The following VIPR2 variants were observed in gnomAD, a reference collection of about 807,000 sequenced individuals.
The protein encoded by VIPR2 is vasoactive intestinal polypeptide receptor 2.
A neutral mutation model predicts 58.0 loss-of-function variants in VIPR2; 48 were observed. That is an observed-to-expected ratio of 0.83 (90% confidence interval 0.66 to 1.05). The LOEUF (loss-of-function observed/expected upper bound fraction) is 1.05. Among genes scored for constraint, VIPR2 ranks in the 50% least tolerant of loss-of-function variants. VIPR2 has a pLI of 0.00. For synonymous variants in VIPR2, 243 were observed against 235.2 expected, an observed-to-expected ratio of 1.03 and a Z score of -0.30; for missense variants, 534 against 558.0, an observed-to-expected ratio of 0.96 and a Z score of 0.43.
Position 159,103,862 on chromosome 7 carries a change from G to A in VIPR2, c.260-8C>T, listed in dbSNP as rs1485086805. ...AGTTTTTGCTTATGTTTCCTGGAAA[G>A]TGAAGTTCAGATATTTTATCTGCAA... On this transcript the variant is annotated splice_region_variant and splice_polypyrimidine_tract_variant and intron_variant, in intron 3 of 12. Coordinates refer to ENST00000262178, the MANE Select transcript of VIPR2 (RefSeq NM_003382.5). The A allele has an allele frequency of 4.3e-6, 7 of 1,611,326 alleles. No homozygotes were observed. The highest frequency in any genetic ancestry group is 5.1e-6 in the Non-Finnish European group (6 of 1,177,484).
chr7:159,032,577 C>T (rs1853663981), intron 10 of VIPR2, among the ~76,000 whole-genome samples: 1 of 152,206 alleles, frequency 6.6e-6, no homozygotes, highest in African/African-American at 2.4e-5. Context: ...TGCCTGATTC[C>T]CTCTATTAAC....
At position 159,030,231 on chromosome 7, in the gene VIPR2, G is replaced by A. The variant is rs942539861; in HGVS notation, c.*385C>T. 1 of 195,480 alleles carries A rather than the reference G, an allele frequency of 5.1e-6. No individual in the cohort carries two copies. The highest frequency in any genetic ancestry group is 2.4e-5 in the African/African-American group (1 of 41,426). The allele number at this position is 195,480 out of a possible 1,614,324, so 12.1% of individuals were successfully genotyped here. ...GTGTTGGCGGGCGCCTGTAGTCCCA[G>A]CTATGGGAGGCTGAGGCAGGAGAAT... On this transcript the variant is annotated 3_prime_UTR_variant, in exon 13 of 13. Transcript: ENST00000262178.
chr7:159,123,619 T>C (rs1796550679), intron 2 of VIPR2, among the ~76,000 whole-genome samples: 1 of 152,218 alleles, frequency 6.6e-6, no homozygotes, highest in African/African-American at 2.4e-5. Flanking sequence ...TGAACATTCA[T>C]GTGCATGTGT....
At chr7:159,033,858 A>G (rs776654529) in intron 10 of VIPR2, among the ~76,000 whole-genome samples, 70 of 152,180 alleles carry the variant, frequency 4.6e-4, no homozygotes, top group Non-Finnish European at 6.2e-4. Flanking sequence ...TTCACTGGAG[A>G]GGACTTTCTT....
chr7:159,064,120 G>A (rs554677827), intron 4 of VIPR2, among the ~76,000 whole-genome samples: 1 of 147,094 alleles, frequency 6.8e-6, no homozygotes, highest in Non-Finnish European at 1.5e-5. Context: ...ATTCTGGATG[G>A]GGAAGCCGCG....
rs1853586194 is a variant in VIPR2 at position 159,031,558 on chromosome 7, G to A, written c.1143+270C>T. On this transcript the variant is annotated intron_variant, in intron 12 of 12. Transcript: ENST00000262178. This position sits in a 1 kb window ranked among gnomAD's most constrained non-coding sequence, Gnocchi z 4.0. ...ACAGATTCTGTCTAGACCCGGCCGG[G>A]AGCTTTCCCGAGAGGGCTCCGAGAC... The A allele has an allele frequency of 1.0e-6, 1 of 985,308 alleles. No individual in the cohort carries two copies. Among genetic ancestry groups the A allele is most frequent in the Admixed American group, 6.1e-5 (1 of 16,274 alleles). 61.0% of individuals were successfully genotyped at this position (985,308 alleles called of 1,614,324 possible).
At chr7:159,140,779 A>C (rs1797433322) in intron 2 of VIPR2, among the ~76,000 whole-genome samples, 1 of 152,152 alleles carries the variant, frequency 6.6e-6, no homozygotes, top group Admixed American at 6.5e-5. Context: ...TGACTCACAC[A>C]CGGACTGCCC....
intron 2 of VIPR2, among the ~76,000 whole-genome samples, chr7:159,135,560 C>T (rs942485573): frequency 2.6e-5 from 4 of 152,146 alleles, no homozygotes; most frequent in South Asian, 2.1e-4. Context: ...CAGTGGCTCA[C>T]GCCTGTAATC....
At chr7:159,108,178 C>T (rs1321217811) in intron 3 of VIPR2, among the ~76,000 whole-genome samples, 2 of 152,214 alleles carry the variant, frequency 1.3e-5, no homozygotes, top group Non-Finnish European at 2.9e-5. Context: ...ACAGTTATCC[C>T]ACCAAATTTA....
chr7:159,101,155 G>A (rs571244969), intron 4 of VIPR2, among the ~76,000 whole-genome samples: 25 of 133,282 alleles, frequency 1.9e-4, no homozygotes, highest in African/African-American at 6.7e-4. Flanking sequence ...CATGAGATCC[G>A]ACGAGGCCGT....
intron 4 of VIPR2, among the ~76,000 whole-genome samples, chr7:159,059,928 C>CCTTCACCTAACCACCATCTCA (rs1855540429): frequency 2.6e-5 from 4 of 151,524 alleles, no homozygotes; most frequent in Admixed American, 1.3e-4. Flanking sequence ...CTAACCATCC[C>CCTTCACCTAACCACCATCTCA]CTTCACCTAA....
intron 12 of VIPR2, 36 bp from the exon 13 acceptor site, chr7:159,030,825 T>C: frequency 2.0e-6 from 3 of 1,498,594 alleles, no homozygotes. Flanking sequence ...CCCGTGAGCC[T>C]GGGCAGGTGC....
chr7:159,043,014 C>G, intron 6 of VIPR2, 21 bp downstream of exon 6: 1 of 1,612,072 alleles, frequency 6.2e-7, no homozygotes, highest in Non-Finnish European at 8.5e-7. Flanking sequence ...CAGTGGGACC[C>G]TGTGGTGGGG....
rs1857727597 is a variant in VIPR2, at chr7:159,094,723, C to T, written c.357+9034G>A. Among the ~76,000 whole-genome samples the T allele has an allele frequency of 2.6e-5, 4 of 152,368 alleles. No homozygotes were observed. In the South Asian group the frequency reaches 8.3e-4, roughly 32 times the overall value. On this transcript the variant is annotated intron_variant, in intron 4 of 12. Transcript: ENST00000262178. ...AGACAGCCCGTAATCAGTGCGACTCCATGCCGTGCCACACACCTTATTTTA... is the reference window on the plus strand; with the variant it reads ...AGACAGCCCGTAATCAGTGCGACTCTATGCCGTGCCACACACCTTATTTTA...
At chr7:159,115,505 G>C (rs774176206) in intron 2 of VIPR2, among the ~76,000 whole-genome samples, 15 of 152,262 alleles carry the variant, frequency 9.9e-5, no homozygotes, top group African/African-American at 1.4e-4. Context: ...GGGTAGAGAA[G>C]GAGCCTCCTC....
At chr7:159,051,291 G>T (rs146454858) in intron 5 of VIPR2, among the ~76,000 whole-genome samples, 466 of 152,266 alleles carry the variant, frequency 3.1e-3, no homozygotes, top group Non-Finnish European at 4.0e-3. Context: ...GTAAAATGGA[G>T]CTAAAATGTT....
At chr7:159,062,936 A>G (rs996262983) in intron 4 of VIPR2, among the ~76,000 whole-genome samples, 5 of 152,210 alleles carry the variant, frequency 3.3e-5, no homozygotes, top group African/African-American at 1.2e-4. Flanking sequence ...CCAAGTCAAC[A>G]CTAGATTAGC....
At chr7:159,144,607 C>T in intron 1 of VIPR2, 114 bp downstream of exon 1, 1 of 1,387,648 alleles carries the variant, frequency 7.2e-7, no homozygotes, top group East Asian at 2.9e-5. Flanking sequence ...TCCCGGACCC[C>T]GCCCGCGCTC....
intron 4 of VIPR2, among the ~76,000 whole-genome samples, chr7:159,090,767 C>G (rs1857450884): frequency 9.2e-6 from 1 of 108,442 alleles, no homozygotes; most frequent in Non-Finnish European, 1.8e-5. Context: ...CAGGGGCCAC[C>G]TCCTGCGACC....
Sources: gnomAD v4.1 joint callset for allele counts (sites outside exome capture counted in the v4.1 genomes callset) on GRCh38, gnomAD v4.1.1 for gene constraint, Gnocchi (gnomAD v3.1) non-coding constraint, MANE v1.5 for transcripts, NCBI Gene and HGNC (gene_info 2026-07-23, HGNC 2026-07-21) for gene names.